Variants in USP34 observed in about 807,000 individuals in gnomAD.
The protein encoded by USP34 is ubiquitin specific peptidase 34.
A neutral mutation model predicts 460.3 loss-of-function variants in USP34; 70 were observed. That is an observed-to-expected ratio of 0.15 (90% confidence interval 0.13 to 0.19). The LOEUF (loss-of-function observed/expected upper bound fraction) is 0.19. Ranked by LOEUF, USP34 falls within the 10% of genes least tolerant of loss-of-function variation. The probability of loss-of-function intolerance (pLI) is 1.00; values close to 1 mark genes in which losing one functional copy is unlikely to be tolerated. For missense variants in USP34, 3,985 were observed against 4,236.2 expected (o/e 0.94, Z 1.65); for synonymous variants, 1,647 against 1,405.3 (o/e 1.17, Z -3.85).
intron 16 of USP34, among the ~76,000 whole-genome samples, chr2:61,342,683 CTG>C (rs1370914767): frequency 6.6e-6 from 1 of 152,044 alleles, no homozygotes; most frequent in Admixed American, 6.6e-5. Flanking sequence ...TTTAAACTGA[CTG>C]TCTTACTCTG....
At chr2:61,435,327 A>AAAAAAAAAAAC in intron 1 of USP34, among the ~76,000 whole-genome samples, 1 of 150,214 alleles carries the variant, frequency 6.7e-6, no homozygotes, top group Non-Finnish European at 1.5e-5. Flanking sequence ...AAAAAAAAAA[A>AAAAAAAAAAAC]AAGAACTCTA....
At chr2:61,287,946 C>A (rs1163451593) in intron 34 of USP34, among the ~76,000 whole-genome samples, 16 of 152,206 alleles carry the variant, frequency 1.1e-4, no homozygotes. Flanking sequence ...GCAAATATAT[C>A]AAAAACCAAA....
In USP34 at chr2:61,348,367, G is replaced by A. The variant is rs1337781581; in HGVS notation, c.1788C>T (p.Ser596=). 1.2e-6 allele frequency: 2 copies of A among 1,613,888 alleles called. No homozygotes were observed. The highest frequency in any genetic ancestry group is 2.7e-5 in the African/African-American group (2 of 74,932). Residue 596 remains serine (S), a synonymous_variant, in exon 15 of 80, where the codon AGC becomes AGT. Coordinates refer to ENST00000398571, the MANE Select transcript of USP34 (RefSeq NM_014709.4). ...GGCTCCCAGCTGACTGGCTTGCGTG[G>A]CTAGAATTAACCTCATTGCTAGATC... ...SDGSSNEVNS[S]HASQSAGSPG...
chr2:61,371,230 G>T (rs1273808514), intron 8 of USP34, among the ~76,000 whole-genome samples: 1 of 152,156 alleles, frequency 6.6e-6, no homozygotes, highest in Non-Finnish European at 1.5e-5. Flanking sequence ...ATTACTCACA[G>T]GTTTGTGGTG....
chr2:61,236,648 C>G (rs1489193886), intron 53 of USP34, among the ~76,000 whole-genome samples: 1 of 152,050 alleles, frequency 6.6e-6, no homozygotes, highest in African/African-American at 2.4e-5. Flanking sequence ...TGCAAGAATT[C>G]TGAAATCCTA....
At chr2:61,341,628 C>T (rs1467346140) in intron 16 of USP34, among the ~76,000 whole-genome samples, 1 of 152,036 alleles carries the variant, frequency 6.6e-6, no homozygotes, top group Non-Finnish European at 1.5e-5. Context: ...CACATTCTAC[C>T]ATGATTGTAA....
At chr2:61,249,136 A>G (rs1024233460) in intron 48 of USP34, among the ~76,000 whole-genome samples, 1 of 152,274 alleles carries the variant, frequency 6.6e-6, no homozygotes, top group Non-Finnish European at 1.5e-5. Context: ...TCACAATTTT[A>G]CAGATTTTAG....
At chr2:61,342,110 G>A (rs1241449353) in intron 16 of USP34, among the ~76,000 whole-genome samples, 1 of 151,956 alleles carries the variant, frequency 6.6e-6, no homozygotes, top group Non-Finnish European at 1.5e-5. Flanking sequence ...GTTCTCCAAA[G>A]TGATTATATT....
At chr2:61,354,614 C>T (rs1202658873) in intron 10 of USP34, among the ~76,000 whole-genome samples, 1 of 152,160 alleles carries the variant, frequency 6.6e-6, no homozygotes, top group Non-Finnish European at 1.5e-5. Context: ...ACTGGGGCAG[C>T]CAGGGCTGAA....
At chr2:61,353,220 G>A (rs548649471) in intron 10 of USP34, among the ~76,000 whole-genome samples, 10 of 152,120 alleles carry the variant, frequency 6.6e-5, no homozygotes, top group Non-Finnish European at 1.2e-4. Context: ...AATTCTGACT[G>A]GTGAGGTACA....
chr2:61,207,954 T>C (rs1343759283), intron 70 of USP34: 1 of 152,344 alleles, frequency 6.6e-6, no homozygotes, highest in Admixed American at 6.5e-5. Flanking sequence ...CTTATGGTAC[T>C]CTTGGCATGT....
intron 34 of USP34, among the ~76,000 whole-genome samples, chr2:61,286,749 A>C (rs893400700): frequency 6.6e-6 from 1 of 152,232 alleles, no homozygotes; most frequent in African/African-American, 2.4e-5. Flanking sequence ...ATGACTAGGG[A>C]AAAAGTTCGC....
intron 3 of USP34, among the ~76,000 whole-genome samples, chr2:61,396,802 T>C (rs1693544675): frequency 6.6e-6 from 1 of 152,076 alleles, no homozygotes; most frequent in African/African-American, 2.4e-5. Context: ...CTCTTAAAAA[T>C]AATAAGGTGA....
At chr2:61,271,005 C>T (rs897389524) in intron 41 of USP34, among the ~76,000 whole-genome samples, 3 of 152,016 alleles carry the variant, frequency 2.0e-5, no homozygotes, top group African/African-American at 7.2e-5. Context: ...TGTATCTGGC[C>T]AGGCGCGGTG....
At chr2:61,326,343 G>C (rs557652582) in intron 20 of USP34, among the ~76,000 whole-genome samples, 2 of 152,182 alleles carry the variant, frequency 1.3e-5, no homozygotes, top group South Asian at 4.2e-4. Flanking sequence ...GAGTAGCTGG[G>C]ATTACAAGCT....
chr2:61,279,284 C>T (rs764476299), intron 39 of USP34, among the ~76,000 whole-genome samples: 9 of 152,054 alleles, frequency 5.9e-5, no homozygotes, highest in Non-Finnish European at 1.3e-4. Context: ...GTAAAGTGAA[C>T]ATATTGAACT....
At chr2:61,323,287 G>C (rs926694732) in intron 21 of USP34, among the ~76,000 whole-genome samples, 2 of 152,070 alleles carry the variant, frequency 1.3e-5, no homozygotes, top group Non-Finnish European at 2.9e-5. Flanking sequence ...CGAGGCGGGC[G>C]GATCACGAGG....
chr2:61,199,859 AAAAT>A (rs1405833488), intron 75 of USP34: 12 of 152,378 alleles, frequency 7.9e-5, no homozygotes, highest in Non-Finnish European at 1.6e-4. Context: ...GGACAAATAA[AAAAT>A]AAAAATGGTG....
chr2:61,391,228 T>C (rs1693335835), intron 5 of USP34, among the ~76,000 whole-genome samples: 2 of 152,064 alleles, frequency 1.3e-5, no homozygotes, highest in African/African-American at 4.8e-5. Flanking sequence ...GGCGGATCAT[T>C]TGAGCCCAGG....
Sources: allele counts gnomAD v4.1 joint callset (sites outside exome capture counted in the v4.1 genomes callset), GRCh38; gene constraint gnomAD v4.1.1; transcripts MANE v1.5; gene names NCBI Gene and HGNC (gene_info 2026-07-23, HGNC 2026-07-21).